The following ARHGEF38 variants were observed in gnomAD, a reference collection of about 807,000 sequenced individuals.
The protein encoded by ARHGEF38 is Rho guanine nucleotide exchange factor 38.
ARHGEF38 carries 79 observed loss-of-function variants against 79.9 expected under a neutral mutation model. That is an observed-to-expected ratio of 0.99 (90% CI 0.82 to 1.19). The LOEUF (loss-of-function observed/expected upper bound fraction) is 1.19, where lower values mean the gene tolerates loss of function less well. Among genes scored for constraint, ARHGEF38 ranks in the 50% most tolerant of loss-of-function variants. The pLI, the probability that ARHGEF38 is intolerant of heterozygous loss-of-function variation, is 0.00. For missense variants in ARHGEF38, 962 were observed against 907.2 expected (o/e 1.06, Z -0.78); for synonymous variants, 366 against 328.3 (o/e 1.11, Z -1.24).
At chr4:105,557,328 A>G (rs1725299076) in intron 1 of ARHGEF38, among the ~76,000 whole-genome samples, 2 of 152,162 alleles carry the variant, frequency 1.3e-5, no homozygotes, top group South Asian at 4.2e-4. Context: ...CAATGATTAG[A>G]CTTTTTATTG....
chr4:105,579,648 G>A (rs1166878753), intron 1 of ARHGEF38, among the ~76,000 whole-genome samples: 1 of 152,100 alleles, frequency 6.6e-6, no homozygotes, highest in Non-Finnish European at 1.5e-5. Flanking sequence ...TTTTGCTGAG[G>A]ATTTTTGCAT....
At chr4:105,553,873 G>A (rs1725122404) in intron 1 of ARHGEF38, among the ~76,000 whole-genome samples, 1 of 151,984 alleles carries the variant, frequency 6.6e-6, no homozygotes, top group Non-Finnish European at 1.5e-5. Context: ...CTGTCGTTTT[G>A]GATTTAAAAA....
intron 4 of ARHGEF38, chr4:105,631,576 A>T (rs2121558): frequency 0.23 from 231,273 of 985,028 alleles, 33,058 homozygotes; most frequent in African/African-American, 0.65. Context: ...TTGGTGGGGG[A>T]GCTACACAAT....
intron 9 of ARHGEF38, among the ~76,000 whole-genome samples, chr4:105,658,292 C>G (rs954536549): frequency 6.6e-6 from 1 of 152,066 alleles, no homozygotes; most frequent in African/African-American, 2.4e-5. Context: ...TCCTGTAGTC[C>G]TAGCTATTCG....
intron 13 of ARHGEF38, among the ~76,000 whole-genome samples, chr4:105,671,286 C>T (rs369479936): frequency 6.6e-6 from 1 of 152,148 alleles, no homozygotes; most frequent in South Asian, 2.1e-4. Context: ...AATCATCTAA[C>T]TCAAACTGAA....
At position 105,680,900 on chromosome 4, in the gene ARHGEF38, A is replaced by G. The variant is rs1242668063; in HGVS notation, c.*2963A>G. ...AGTGCCAATGTGTGAACTGTAATAA[A>G]CATTACTGCTTTCATTTTTTGTAGG... On this transcript the variant is annotated 3_prime_UTR_variant, in exon 14 of 14. Coordinates refer to ENST00000420470, the MANE Select transcript of ARHGEF38 (RefSeq NM_001242729.2). The G allele has an allele frequency of 1.3e-5, 2 of 152,226 alleles. No individual in the cohort carries two copies. Among genetic ancestry groups the G allele is most frequent in the East Asian group, 3.8e-4 (2 of 5,204 alleles). 9.4% of individuals were successfully genotyped at this position (152,226 alleles called of 1,614,324 possible).
At chr4:105,630,249 CT>C (rs5860803) in intron 3 of ARHGEF38, among the ~76,000 whole-genome samples, 3,079 of 139,800 alleles carry the variant, frequency 0.022, 57 homozygotes, top group African/African-American at 0.06. Context: ...AACTGCAACT[CT>C]TTTTTTTTTT....
At position 105,659,085 on chromosome 4, in the gene ARHGEF38, C is replaced by G; in HGVS notation, c.1265C>G (p.Pro422Arg). The G allele has an allele frequency of 6.5e-7, 1 of 1,535,998 alleles. No individual in the cohort carries two copies. The highest frequency in any genetic ancestry group is 8.7e-7 in the Non-Finnish European group (1 of 1,146,806). ...ASHLQRLILT[P>R]LSALLSLFPG... Reference sequence around the variant, plus strand: ...CACTTACAGAGACTCATCCTGACCCCCTTGTCAGCCCTGCTGTCCTTATTC... The same window carrying G: ...CACTTACAGAGACTCATCCTGACCCGCTTGTCAGCCCTGCTGTCCTTATTC... The change falls in exon 10 of 14, where the codon CCC (proline) becomes CGC (arginine). Residue 422 changes from proline to arginine, a missense_variant. Pro to Arg is a moderately radical substitution (Grantham distance 103, BLOSUM62 -2). Transcript: ENST00000420470.
At chr4:105,669,631 T>C (rs1409629672) in intron 13 of ARHGEF38, among the ~76,000 whole-genome samples, 2 of 152,170 alleles carry the variant, frequency 1.3e-5, no homozygotes, top group Non-Finnish European at 2.9e-5. Flanking sequence ...TATATTCATG[T>C]CATATAATTA....
rs142239182 is a variant in ARHGEF38, at chr4:105,620,308, G to A, written c.508+6801G>A. 2.4e-3 allele frequency among the ~76,000 whole-genome samples: 362 copies of A among 152,244 alleles called. 4 individuals are homozygous for A. The highest frequency in any genetic ancestry group is 8.4e-3 in the African/African-American group (351 of 41,562). ...CTTGGGTTACATCTCGTTTTGTCCT[G>A]TTGCTAGATGTGCGATCTTAGGCAA... On this transcript the variant is annotated intron_variant, in intron 3 of 13. Transcript: ENST00000420470.
rs548437891 is a variant in ARHGEF38, at chr4:105,581,991, C to G, written c.197-7257C>G. ...CCAGCCTGGCCAACCCAGTGAAACC[C>G]CGTCTCTACTAAAAATACAAAAAAT... On this transcript the variant is annotated intron_variant, in intron 1 of 13. Transcript: ENST00000420470. 3.3e-5 allele frequency among the ~76,000 whole-genome samples: 5 copies of G among 151,944 alleles called. No individual in the cohort carries two copies. In the East Asian group the frequency reaches 9.7e-4, roughly 29 times the overall value.
At chr4:105,593,967 T>G (rs868348926) in intron 2 of ARHGEF38, among the ~76,000 whole-genome samples, 1 of 152,186 alleles carries the variant, frequency 6.6e-6, no homozygotes, top group Non-Finnish European at 1.5e-5. Flanking sequence ...TCTAGGTTGT[T>G]TTATTTGAAT....
intron 1 of ARHGEF38, among the ~76,000 whole-genome samples, chr4:105,580,541 G>A (rs77927640): frequency 0.03 from 4,538 of 152,080 alleles, 246 homozygotes; most frequent in African/African-American, 0.1. Flanking sequence ...AATTTTCTTG[G>A]TCATTAATTC....
At chr4:105,586,203 C>T (rs1350637874) in intron 1 of ARHGEF38, among the ~76,000 whole-genome samples, 1 of 148,050 alleles carries the variant, frequency 6.8e-6, no homozygotes, top group African/African-American at 2.6e-5. Flanking sequence ...CAAAATGTGT[C>T]CACAATGCAT....
intron 1 of ARHGEF38, among the ~76,000 whole-genome samples, chr4:105,569,359 G>A (rs546134060): frequency 4.9e-4 from 74 of 152,302 alleles, no homozygotes; most frequent in Admixed American, 1.9e-3. Context: ...GTGTTGAACC[G>A]ACTTTGTAGC....
In ARHGEF38 at chr4:105,617,973, A is replaced by G. The variant is rs77424001; in HGVS notation, c.508+4466A>G. Reference sequence around the variant, plus strand: ...ACATTTGGGAAAATATTCCAAAATTACAAATAGAAACAACTTACTTGGTGA... The same window carrying G: ...ACATTTGGGAAAATATTCCAAAATTGCAAATAGAAACAACTTACTTGGTGA... On this transcript the variant is annotated intron_variant, in intron 3 of 13. Coordinates refer to ENST00000420470, the MANE Select transcript of ARHGEF38 (RefSeq NM_001242729.2). 8.6e-3 allele frequency among the ~76,000 whole-genome samples: 1,312 copies of G among 152,316 alleles called. 20 individuals carry two copies. The highest frequency in any genetic ancestry group is 0.03 in the African/African-American group (1,265 of 41,566).
chr4:105,599,290 C>A (rs1727719657), intron 2 of ARHGEF38, among the ~76,000 whole-genome samples: 1 of 152,128 alleles, frequency 6.6e-6, no homozygotes, highest in Admixed American at 6.6e-5. Flanking sequence ...TTTAGGACAG[C>A]TTCAGTGCTC....
At chr4:105,668,550 T>C (rs1730842031) in intron 13 of ARHGEF38, among the ~76,000 whole-genome samples, 1 of 152,174 alleles carries the variant, frequency 6.6e-6, no homozygotes. Context: ...AATGGTTCAT[T>C]CCCCAGTGGT....
intron 2 of ARHGEF38, among the ~76,000 whole-genome samples, chr4:105,606,013 T>C (rs1328369728): frequency 3.3e-5 from 5 of 152,112 alleles, no homozygotes; most frequent in Admixed American, 3.3e-4. Flanking sequence ...TCAGCATTAA[T>C]AATGGATCAA....
Sources: allele counts gnomAD v4.1 joint callset (sites outside exome capture counted in the v4.1 genomes callset), GRCh38; gene constraint gnomAD v4.1.1; transcripts MANE v1.5; gene names NCBI Gene and HGNC (gene_info 2026-07-23, HGNC 2026-07-21).